Variants in KL observed in about 807,000 individuals in gnomAD.
KL encodes the protein alpha-klotho.
KL carries 62 observed loss-of-function variants against 84.2 expected under a neutral mutation model. The observed-to-expected ratio is 0.74, with a 90% CI of 0.60 to 0.91. KL has a LOEUF of 0.91. KL is among the 40% of genes least tolerant of loss of function. The pLI is 0.00. For missense variants in KL, 1,261 were observed against 1,305.7 expected (o/e 0.97, Z 0.53); for synonymous variants, 528 against 528.0 (o/e 1.00, Z 0.00).
chr13:33,040,418 C>T (rs140832762), intron 1 of KL, among the ~76,000 whole-genome samples: 80 of 152,188 alleles, frequency 5.3e-4, no homozygotes, highest in African/African-American at 1.9e-3. Context: ...ATCTCTAGTG[C>T]CTTCTAAAAT....
chr13:33,043,076 G>C (rs924861665), intron 1 of KL, among the ~76,000 whole-genome samples: 1 of 152,034 alleles, frequency 6.6e-6, no homozygotes. Context: ...TAAATACCTA[G>C]GTATGAACTT....
At chr13:33,043,515 C>A (rs1270205782) in intron 1 of KL, among the ~76,000 whole-genome samples, 1 of 152,162 alleles carries the variant, frequency 6.6e-6, no homozygotes, top group Non-Finnish European at 1.5e-5. Context: ...TCACTGTACC[C>A]AGCCTGTTGC....
intron 1 of KL, among the ~76,000 whole-genome samples, chr13:33,021,972 A>G (rs1041897088): frequency 3.9e-5 from 6 of 152,252 alleles, no homozygotes; most frequent in South Asian, 2.1e-4. Flanking sequence ...TCAATAGTGC[A>G]TTTAGTCAGA....
Position 33,053,812 on chromosome 13 carries a change from A to T in KL, c.865A>T (p.Thr289Ser). Residue 289 changes from threonine to serine, a missense_variant, in exon 2 of 5, where the codon ACT becomes TCT. Coordinates refer to ENST00000380099, the MANE Select transcript of KL (RefSeq NM_004795.4). ...WHLYNTSFRP[T>S]QGGQVSIALS... Reference sequence around the variant, plus strand: ...TCTCTACAATACTTCTTTCCGTCCCACTCAGGGAGGTCAGGTGTCCATTGC... The same window carrying T: ...TCTCTACAATACTTCTTTCCGTCCCTCTCAGGGAGGTCAGGTGTCCATTGC... The T allele has an allele frequency of 1.9e-6, 3 of 1,614,110 alleles. No individual in the cohort carries two copies. The highest frequency in any genetic ancestry group is 2.5e-6 in the Non-Finnish European group (3 of 1,179,992).
chr13:33,049,482 A>G (rs1201465100), intron 1 of KL, among the ~76,000 whole-genome samples: 2 of 152,228 alleles, frequency 1.3e-5, no homozygotes, highest in Non-Finnish European at 2.9e-5. Context: ...ATAGAAACAC[A>G]TAGAACAGAC....
intron 1 of KL, among the ~76,000 whole-genome samples, chr13:33,043,203 G>A (rs1300114471): frequency 1.3e-5 from 2 of 151,230 alleles, no homozygotes; most frequent in Non-Finnish European, 2.9e-5. Flanking sequence ...GTTGTTTTAC[G>A]TCCTTGCCAG....
intron 1 of KL, among the ~76,000 whole-genome samples, chr13:33,039,550 C>CT (rs772738277): frequency 1.8e-4 from 27 of 152,042 alleles, no homozygotes; most frequent in Non-Finnish European, 3.1e-4. Flanking sequence ...AAAGGAATGC[C>CT]TAAATGCACG....
chr13:33,045,414 C>T (rs575649224), intron 1 of KL, among the ~76,000 whole-genome samples: 2 of 152,248 alleles, frequency 1.3e-5, no homozygotes, highest in Admixed American at 6.5e-5. Context: ...CCTTTCAATC[C>T]TGATGTTAGG....
In KL at chr13:33,035,059, C is replaced by T. The variant is rs1301741437; in HGVS notation, c.819+17800C>T. On this transcript the variant is annotated intron_variant, in intron 1 of 4. Coordinates refer to ENST00000380099, the MANE Select transcript of KL (RefSeq NM_004795.4). ...GAAAAACTTTGACTTAACACCATGT[C>T]GAAACTGCTACCACAAAAAGGCAAA... Among the ~76,000 whole-genome samples, 5 of 152,246 alleles carry T rather than the reference C, an allele frequency of 3.3e-5. No homozygotes were observed. The South Asian group carries it at 8.3e-4, about 25-fold the overall frequency.
chr13:33,042,033 T>G (rs1487056562), intron 1 of KL, among the ~76,000 whole-genome samples: 1 of 152,204 alleles, frequency 6.6e-6, no homozygotes, highest in Non-Finnish European at 1.5e-5. Context: ...ATTTGTTGAA[T>G]GAATATGATC....
chr13:33,031,558 A>G (rs1400144975), intron 1 of KL, among the ~76,000 whole-genome samples: 1 of 152,252 alleles, frequency 6.6e-6, no homozygotes, highest in African/African-American at 2.4e-5. Flanking sequence ...TCTAAAATGA[A>G]CATTTATATA....
At chr13:33,043,525 C>T (rs9536282) in intron 1 of KL, among the ~76,000 whole-genome samples, 28,440 of 151,986 alleles carry the variant, frequency 0.19, 3,041 homozygotes, top group African/African-American at 0.29. Flanking sequence ...CAGCCTGTTG[C>T]CAGTATTTTT....
intron 1 of KL, among the ~76,000 whole-genome samples, chr13:33,051,997 C>G (rs150744050): frequency 6.6e-6 from 1 of 152,184 alleles, no homozygotes; most frequent in Non-Finnish European, 1.5e-5. Flanking sequence ...TTCTCTGTCA[C>G]CTGGGCTGGA....
chr13:33,021,871 C>T (rs770995540), intron 1 of KL, among the ~76,000 whole-genome samples: 6 of 152,076 alleles, frequency 3.9e-5, no homozygotes, highest in South Asian at 2.1e-4. Flanking sequence ...GCAACAAGAG[C>T]GAAACTCCAT....
chr13:33,016,729 C>A lies in KL; in HGVS notation c.289C>A (p.Pro97Thr). The change falls in exon 1 of 5, where the codon CCC (proline) becomes ACC (threonine). Residue 97 changes from proline (P) to threonine (T), a missense_variant. Transcript: ENST00000380099. The part of the protein sequence containing the change: ...ASIWDTFTHH[P>T]LAPPGDSRNA... ...CATCTGGGATACGTTCACCCACCAC[C>A]CCCTGGCACCCCCGGGAGACTCCCG... The A allele has an allele frequency of 6.2e-7, 1 of 1,611,070 alleles. No individual in the cohort carries two copies. Among genetic ancestry groups the A allele is most frequent in the Non-Finnish European group, 8.5e-7 (1 of 1,179,002 alleles).
At position 33,060,705 on chromosome 13, in the gene KL, C is replaced by T. The variant is rs746870927; in HGVS notation, c.1626C>T (p.Thr542=). 3.2e-5 allele frequency: 51 copies of T among 1,614,022 alleles called. 1 individual carries two copies. The highest frequency in any genetic ancestry group is 2.2e-4 in the South Asian group (20 of 91,080). The change falls in exon 4 of 5, where the codon ACC becomes ACT. Residue 542 remains threonine (T), a synonymous_variant. Transcript: ENST00000380099. The part of the protein sequence containing the change: ...IQVDTTLSQF[T]DLNVYLWDVH... ...TAGATACCACTCTGTCTCAGTTTACCGACCTGAATGTTTACCTGTGGGATG... is the reference window on the plus strand; with the variant it reads ...TAGATACCACTCTGTCTCAGTTTACTGACCTGAATGTTTACCTGTGGGATG...
intron 1 of KL, among the ~76,000 whole-genome samples, chr13:33,021,820 G>A (rs1356529908): frequency 6.6e-6 from 1 of 152,202 alleles, no homozygotes; most frequent in African/African-American, 2.4e-5. Flanking sequence ...GGAGGCAGAG[G>A]TTGTAGTGAG....
intron 1 of KL, among the ~76,000 whole-genome samples, chr13:33,031,004 G>A (rs1870951370): frequency 6.6e-6 from 1 of 152,122 alleles, no homozygotes; most frequent in South Asian, 2.1e-4. Flanking sequence ...AGAAGTTCTG[G>A]AAAGAGAGAA....
rs1376842196 is a variant in KL at position 33,029,913 on chromosome 13, G to C, written c.819+12654G>C. ...CTCCCAAAGTGCTGGGATTACAGGC[G>C]TGAGCCACCGCGCCTGGCCCTATTT... On this transcript the variant is annotated intron_variant, in intron 1 of 4. Transcript: ENST00000380099. Among the ~76,000 whole-genome samples, 6 of 149,910 alleles carry C rather than the reference G, an allele frequency of 4.0e-5. No homozygotes were observed. In the Admixed American group the frequency reaches 4.0e-4, roughly 10 times the overall value.
Sources: gnomAD v4.1 joint callset for allele counts (sites outside exome capture counted in the v4.1 genomes callset) on GRCh38, gnomAD v4.1.1 for gene constraint, MANE v1.5 for transcripts, NCBI Gene and HGNC (gene_info 2026-07-23, HGNC 2026-07-21) for gene names.